Variants in AFAP1L2 observed in about 807,000 individuals in gnomAD.
AFAP1L2 encodes the protein actin filament associated protein 1 like 2.
In AFAP1L2, 46 loss-of-function variants were observed where a neutral mutation model predicts 99.3. That is an observed-to-expected ratio of 0.46 (90% CI 0.37 to 0.59). AFAP1L2 has a LOEUF of 0.59. Ranked by LOEUF, AFAP1L2 falls within the 20% of genes least tolerant of loss-of-function variation. The probability of loss-of-function intolerance (pLI) is 0.00; values close to 1 mark genes in which losing one functional copy is unlikely to be tolerated. For missense variants in AFAP1L2, 959 were observed against 1,034.9 expected, an observed-to-expected ratio of 0.93 and a Z score of 1.01; for synonymous variants, 397 against 419.1, an observed-to-expected ratio of 0.95 and a Z score of 0.64.
intron 1 of AFAP1L2, among the ~76,000 whole-genome samples, chr10:114,374,897 C>T (rs1230827549): frequency 1.3e-5 from 2 of 151,886 alleles, no homozygotes; most frequent in African/African-American, 4.8e-5. Context: ...GGCCACGGAA[C>T]AGGGGCATGG....
chr10:114,288,867 A>T, the AFAP1L2 span: 2 of 1,523,630 alleles, frequency 1.3e-6, no homozygotes, highest in African/African-American at 1.4e-5. Flanking sequence ...CCAACCTGGC[A>T]GTCCCTGGGT....
chr10:114,290,887 G>A (rs556010453), downstream of AFAP1L2, among the ~76,000 whole-genome samples: 23 of 152,306 alleles, frequency 1.5e-4, no homozygotes, highest in African/African-American at 5.1e-4. Context: ...ATTGTCAAGG[G>A]TAACAGATTA....
chr10:114,380,463 G>A (rs1230014056), intron 1 of AFAP1L2, among the ~76,000 whole-genome samples: 2 of 152,210 alleles, frequency 1.3e-5, no homozygotes, highest in Admixed American at 1.3e-4. Flanking sequence ...GAGGTCATGG[G>A]AGCAGAACTA....
At chr10:114,331,373 A>G (rs959137676) in intron 4 of AFAP1L2, among the ~76,000 whole-genome samples, 1 of 152,144 alleles carries the variant, frequency 6.6e-6, no homozygotes, top group Admixed American at 6.5e-5. Flanking sequence ...ACAGTACACT[A>G]CAGCATCAAA....
intron 11 of AFAP1L2, 126 bp downstream of exon 11, chr10:114,304,593 G>C: frequency 1.0e-6 from 1 of 1,000,584 alleles, no homozygotes. Context: ...TCAGGCAAAC[G>C]AAGTAAAAAT....
rs1361409416 is a variant in AFAP1L2, at chr10:114,384,323, G to GC, written c.16+20116_16+20117insG. Reference sequence around the variant, plus strand: ...CTTCATCAATGGCATCTTGTCTGTCGTCCCCCCCCCGCTGCAAGTGATGAA... The same window carrying GC: ...CTTCATCAATGGCATCTTGTCTGTCGCTCCCCCCCCCGCTGCAAGTGATGAA... On this transcript the variant is annotated intron_variant, in intron 1 of 18. Coordinates refer to ENST00000304129, the MANE Select transcript of AFAP1L2 (RefSeq NM_001001936.3). Among the ~76,000 whole-genome samples the GC allele has an allele frequency of 4.8e-3, 714 of 148,730 alleles. 6 individuals are homozygous for GC. The highest frequency in any genetic ancestry group is 0.015 in the African/African-American group (585 of 39,718).
chr10:114,295,471 T>C lies in AFAP1L2; in HGVS notation c.*571A>G. 1.0e-6 allele frequency: 1 copy of C among 985,612 alleles called. No individual in the cohort carries two copies. The highest frequency in any genetic ancestry group is 1.7e-5 in the African/African-American group (1 of 57,372). The allele number at this position is 985,612 out of a possible 1,614,324, so 61.1% of individuals were successfully genotyped here. ...CCCCATTATTGTTTCTCAAAACTCA[T>C]GTCATAGATGGTTTTACAGATGATG... On this transcript the variant is annotated 3_prime_UTR_variant, in exon 19 of 19. Transcript: ENST00000304129.
intron 1 of AFAP1L2, among the ~76,000 whole-genome samples, chr10:114,389,134 C>T (rs1023121473): frequency 6.6e-6 from 1 of 152,214 alleles, no homozygotes; most frequent in Non-Finnish European, 1.5e-5. Flanking sequence ...TCTTCTCTTG[C>T]CCACACTTGC....
Position 114,313,968 on chromosome 10 carries a change from ACTTG to A in AFAP1L2, c.691_694del (p.Gln231CysfsTer8). The A allele has an allele frequency of 6.2e-7, 1 of 1,613,992 alleles. No homozygotes were observed. The highest frequency in any genetic ancestry group is 8.5e-7 in the Non-Finnish European group (1 of 1,179,998). On this transcript the variant is annotated frameshift_variant, in exon 7 of 19. Transcript: ENST00000304129. LOFTEE classifies it high-confidence loss of function. ...CTTCAGCTTGTGCTCCTTCTTCCGC[ACTTG>A]CTTCTCCTTGTGAATGACGCTGCTG...
At chr10:114,293,509 A>G (rs537350628), downstream of AFAP1L2, among the ~76,000 whole-genome samples, 66 of 152,298 alleles carry the variant, frequency 4.3e-4, no homozygotes, top group Non-Finnish European at 8.4e-4. Context: ...TTGTAGTGAC[A>G]GTGCCACTAA....
At chr10:114,366,063 C>T (rs539723593) in intron 1 of AFAP1L2, among the ~76,000 whole-genome samples, 4 of 152,182 alleles carry the variant, frequency 2.6e-5, no homozygotes, top group African/African-American at 4.8e-5. Context: ...ATGCTCATCA[C>T]GTACTTGTAA....
At chr10:114,308,017 C>T in intron 9 of AFAP1L2, 108 bp from the exon 10 acceptor site, 1 of 897,216 alleles carries the variant, frequency 1.1e-6, no homozygotes. Context: ...ACCCATCCCT[C>T]CCCGCTACAT....
intron 10 of AFAP1L2, among the ~76,000 whole-genome samples, chr10:114,305,449 G>A (rs2042070570): frequency 6.8e-6 from 1 of 146,494 alleles, no homozygotes; most frequent in South Asian, 2.2e-4. Flanking sequence ...AGATGCAGGA[G>A]GGGACGCAGG....
intron 2 of AFAP1L2, among the ~76,000 whole-genome samples, chr10:114,335,853 A>T (rs1168801072): frequency 6.6e-6 from 1 of 152,230 alleles, no homozygotes; most frequent in Admixed American, 6.5e-5. Flanking sequence ...TATAAAAATA[A>T]CGTAAAGCAG....
intron 1 of AFAP1L2, among the ~76,000 whole-genome samples, chr10:114,343,667 C>G (rs930805145): frequency 3.3e-5 from 5 of 152,226 alleles, no homozygotes; most frequent in Non-Finnish European, 7.3e-5. Flanking sequence ...TCTCAGCAGA[C>G]AGAGAAGCAT....
At chr10:114,331,723 G>A in intron 4 of AFAP1L2, 80 bp downstream of exon 4, 2 of 1,022,648 alleles carry the variant, frequency 2.0e-6, no homozygotes, top group Non-Finnish European at 2.6e-6. Context: ...CAGACACTTA[G>A]TGAGCTGACA....
At chr10:114,291,009 G>T (rs544968832), downstream of AFAP1L2, among the ~76,000 whole-genome samples, 1 of 152,260 alleles carries the variant, frequency 6.6e-6, no homozygotes, top group South Asian at 2.1e-4. Context: ...CGGAGCCTTG[G>T]TTTTTTGGCC....
At chr10:114,382,969 C>T (rs2137507951) in intron 1 of AFAP1L2, among the ~76,000 whole-genome samples, 2 of 152,254 alleles carry the variant, frequency 1.3e-5, no homozygotes, top group South Asian at 4.1e-4. Flanking sequence ...ATAAACACTT[C>T]AGGTGATGGA....
intron 4 of AFAP1L2, among the ~76,000 whole-genome samples, chr10:114,324,396 A>AACCCC (rs2045889580): frequency 4.0e-5 from 5 of 126,442 alleles, no homozygotes; most frequent in Admixed American, 8.0e-5. Flanking sequence ...GGGGTGCACC[A>AACCCC]CCCCCCCCCC....
Sources: gnomAD v4.1 joint callset for allele counts (sites outside exome capture counted in the v4.1 genomes callset) on GRCh38, gnomAD v4.1.1 for gene constraint, MANE v1.5 for transcripts, NCBI Gene and HGNC (gene_info 2026-07-23, HGNC 2026-07-21) for gene names.